SLC9A8: variants seen among roughly 807,000 people sequenced by gnomAD.
SLC9A8 encodes solute carrier family 9 member A8, also known as sodium/hydrogen exchanger 8.
Under a neutral mutation model 66.6 loss-of-function variants are expected in SLC9A8, and 48 were observed. That is an observed-to-expected ratio of 0.72 (90% CI 0.57 to 0.92). The LOEUF is 0.92. Ranked by LOEUF, SLC9A8 falls within the 40% of genes least tolerant of loss-of-function variation. The pLI, the probability that SLC9A8 is intolerant of heterozygous loss-of-function variation, is 0.00. For missense variants in SLC9A8, 599 were observed against 747.3 expected, an observed-to-expected ratio of 0.80 and a Z score of 2.31; for synonymous variants, 274 against 282.6, an observed-to-expected ratio of 0.97 and a Z score of 0.31.
At chr20:49,828,339 C>T (rs2087006058) in intron 3 of SLC9A8, among the ~76,000 whole-genome samples, 1 of 151,636 alleles carries the variant, frequency 6.6e-6, no homozygotes. Context: ...GCCTCGGCCT[C>T]CCAAAATGCT....
At chr20:49,843,426 T>C (rs1167800560) in intron 4 of SLC9A8, among the ~76,000 whole-genome samples, 2 of 152,226 alleles carry the variant, frequency 1.3e-5, no homozygotes, top group East Asian at 3.8e-4. Flanking sequence ...GACTTTCTTT[T>C]AGTCTTTATG....
chr20:49,881,092 T>C (rs1418037546), intron 13 of SLC9A8, 57 bp downstream of exon 13: 4 of 1,232,780 alleles, frequency 3.2e-6, no homozygotes, highest in Non-Finnish European at 2.4e-6. Context: ...GCACGCCCCA[T>C]ACAGGGAGAG....
intron 11 of SLC9A8, among the ~76,000 whole-genome samples, chr20:49,877,227 G>A (rs1054202638): frequency 3.3e-5 from 5 of 152,028 alleles, no homozygotes; most frequent in Admixed American, 3.3e-4. Context: ...CCAGGAGGCG[G>A]AGGTTGCAGT....
intron 10 of SLC9A8, among the ~76,000 whole-genome samples, chr20:49,874,207 TCGCA>T (rs3091517): frequency 0.81 from 121,785 of 151,094 alleles, 49,019 homozygotes; most frequent in East Asian, 0.84. Flanking sequence ...TGAGCCAAGA[TCGCA>T]CGCACTATTG....
At chr20:49,863,999 A>G (rs2088857271) in intron 9 of SLC9A8, 1 of 152,180 alleles carries the variant, frequency 6.6e-6, no homozygotes, top group Non-Finnish European at 1.5e-5. Flanking sequence ...ACAGCTTCTC[A>G]TATTGTACCA....
chr20:49,852,042 C>T (rs932575073), intron 7 of SLC9A8, among the ~76,000 whole-genome samples: 1 of 152,132 alleles, frequency 6.6e-6, no homozygotes, highest in East Asian at 1.9e-4. Flanking sequence ...GTAGTGTTTT[C>T]CTCTCCGTGT....
At chr20:49,824,588 T>C (rs914589257) in intron 3 of SLC9A8, among the ~76,000 whole-genome samples, 3 of 152,244 alleles carry the variant, frequency 2.0e-5, no homozygotes, top group African/African-American at 7.2e-5. Context: ...ATAATTCTTA[T>C]AATTTCATTT....
intron 10 of SLC9A8, among the ~76,000 whole-genome samples, chr20:49,867,286 C>G (rs1413235050): frequency 1.3e-5 from 2 of 152,054 alleles, no homozygotes; most frequent in African/African-American, 2.4e-5. Flanking sequence ...TATTTCTGGA[C>G]TTTTCTTCTG....
At chr20:49,872,254 C>T (rs1051523183) in intron 10 of SLC9A8, among the ~76,000 whole-genome samples, 1 of 152,118 alleles carries the variant, frequency 6.6e-6, no homozygotes, top group African/African-American at 2.4e-5. Context: ...CTGGAATCTC[C>T]CTGTAGGGGA....
intron 3 of SLC9A8, among the ~76,000 whole-genome samples, chr20:49,834,188 T>TCTCTCTCTCC (rs2087348791): frequency 5.9e-5 from 2 of 33,668 alleles, no homozygotes; most frequent in South Asian, 7.4e-4. Flanking sequence ...TCTCTCTCTA[T>TCTCTCTCTCC]ATATATATAT....
intron 2 of SLC9A8, among the ~76,000 whole-genome samples, chr20:49,822,161 G>T (rs1453873647): frequency 1.3e-5 from 2 of 152,206 alleles, no homozygotes; most frequent in Non-Finnish European, 2.9e-5. Context: ...GATGGGAATG[G>T]CAGGACACAG....
chr20:49,866,017 T>C (rs924189138), intron 10 of SLC9A8, among the ~76,000 whole-genome samples: 1 of 152,218 alleles, frequency 6.6e-6, no homozygotes, highest in African/African-American at 2.4e-5. Context: ...TATAGTTCCA[T>C]GAATTTTTGC....
intron 3 of SLC9A8, among the ~76,000 whole-genome samples, chr20:49,832,227 C>G (rs2087233390): frequency 3.3e-5 from 5 of 152,168 alleles, no homozygotes; most frequent in African/African-American, 9.7e-5. Context: ...CCCAGCCTGA[C>G]CAACGATAAG....
intron 7 of SLC9A8, among the ~76,000 whole-genome samples, chr20:49,853,265 T>A (rs558450051): frequency 2.6e-5 from 4 of 152,172 alleles, no homozygotes; most frequent in Non-Finnish European, 5.9e-5. Context: ...TGCCTCAGCC[T>A]CCTGAGTAGC....
chr20:49,862,823 AAT>A, intron 8 of SLC9A8, 104 bp from the exon 9 acceptor site: 2 of 8,670 alleles, frequency 2.3e-4, no homozygotes, highest in Non-Finnish European at 3.0e-4. Context: ...TGATGGTATG[AAT>A]GAATGAATGA....
intron 3 of SLC9A8, among the ~76,000 whole-genome samples, chr20:49,835,476 AAAG>A (rs2087492889): frequency 6.6e-6 from 1 of 152,042 alleles, no homozygotes; most frequent in African/African-American, 2.4e-5. Flanking sequence ...ATTACCCCAA[AAAG>A]AAACTCATAC....
chr20:49,855,436 A>G lies in SLC9A8; in HGVS notation c.570-2A>G. ...ATCTCCCCTTCCCTCTGTCTCTTAC[A>G]GTTTTGCGTTTGGCTCCCTAATATC... On this transcript the variant is annotated splice_acceptor_variant, in intron 7 of 15. Coordinates refer to ENST00000361573, the MANE Select transcript of SLC9A8 (RefSeq NM_015266.3). LOFTEE classifies it high-confidence loss of function. 1 of 1,613,964 alleles carries G rather than the reference A, an allele frequency of 6.2e-7. No homozygotes were observed. Among genetic ancestry groups the G allele is most frequent in the East Asian group, 2.2e-5 (1 of 44,882 alleles).
rs1193268166 is a variant in SLC9A8, at chr20:49,890,364, T to C, written c.*2428T>C. ...AATTCTATTTGGGGCAGTGAATGCA[T>C]AGAAGATATAAAAATACGCAGCTTA... On this transcript the variant is annotated 3_prime_UTR_variant, in exon 16 of 16. Transcript: ENST00000361573. The C allele has an allele frequency of 1.3e-5, 2 of 152,268 alleles. No homozygotes were observed. The highest frequency in any genetic ancestry group is 1.9e-4 in the East Asian group (1 of 5,204). 9.4% of individuals were successfully genotyped at this position (152,268 alleles called of 1,614,324 possible). A position where few individuals can be genotyped will look rare whatever the true frequency, so the allele number is the denominator to read the frequency against.
At chr20:49,858,517 A>G (rs1190128974) in intron 8 of SLC9A8, among the ~76,000 whole-genome samples, 1 of 151,846 alleles carries the variant, frequency 6.6e-6, no homozygotes, top group African/African-American at 2.4e-5. Context: ...TTAAAGAAAA[A>G]TAATTTTTCA....
Sources: gnomAD v4.1 joint callset for allele counts (sites outside exome capture counted in the v4.1 genomes callset) on GRCh38, gnomAD v4.1.1 for gene constraint, MANE v1.5 for transcripts, NCBI Gene and HGNC (gene_info 2026-07-23, HGNC 2026-07-21) for gene names.